Variants in IGSF21 observed in about 807,000 individuals in gnomAD.
IGSF21 encodes the protein immunoglobulin superfamily member 21.
A neutral mutation model predicts 46.8 loss-of-function variants in IGSF21; 28 were observed. That is an observed-to-expected ratio of 0.60 (90% CI 0.44 to 0.82). IGSF21 has a LOEUF of 0.82. Among genes scored for constraint, IGSF21 ranks in the 40% least tolerant of loss-of-function variants. The probability of loss-of-function intolerance (pLI) is 0.00; values close to 1 mark genes in which losing one functional copy is unlikely to be tolerated. For missense variants in IGSF21, 624 were observed against 665.5 expected (o/e 0.94, Z 0.69); for synonymous variants, 284 against 273.6 (o/e 1.04, Z -0.38).
At chr1:18,164,814 C>T (rs1185877635) in intron 1 of IGSF21, among the ~76,000 whole-genome samples, 1 of 151,372 alleles carries the variant, frequency 6.6e-6, no homozygotes, top group South Asian at 2.1e-4. Context: ...ATACATGTAC[C>T]ATGTTGGTTT....
intron 1 of IGSF21, chr1:18,112,150 T>C (rs1192436678): frequency 6.6e-6 from 1 of 152,218 alleles, no homozygotes; most frequent in East Asian, 1.9e-4. Context: ...CTGGGTTTCC[T>C]GGGATCTGTA....
intron 1 of IGSF21, among the ~76,000 whole-genome samples, chr1:18,174,029 C>T (rs528632864): frequency 1.3e-5 from 2 of 152,360 alleles, no homozygotes; most frequent in South Asian, 2.1e-4. Flanking sequence ...GCTGGGATCA[C>T]AGGCATGAGC....
At chr1:18,175,864 TTG>T (rs1244518309) in intron 1 of IGSF21, among the ~76,000 whole-genome samples, 1 of 152,184 alleles carries the variant, frequency 6.6e-6, no homozygotes, top group Non-Finnish European at 1.5e-5. Context: ...ATTAAAATAA[TTG>T]TACTAATATT....
chr1:18,375,625 T>A (rs959707199), intron 6 of IGSF21, among the ~76,000 whole-genome samples: 86 of 152,070 alleles, frequency 5.7e-4, no homozygotes, highest in African/African-American at 2.0e-3. Flanking sequence ...AAGGAGGTGG[T>A]CTTTCTTCCC....
chr1:18,115,889 GAAA>G, intron 1 of IGSF21: 1 of 99,002 alleles, frequency 1.0e-5, no homozygotes, highest in African/African-American at 3.8e-5. Flanking sequence ...AAGAAAGAAA[GAAA>G]GAAAGAAAGA....
At chr1:18,191,855 C>T (rs978545448) in intron 1 of IGSF21, among the ~76,000 whole-genome samples, 1 of 152,200 alleles carries the variant, frequency 6.6e-6, no homozygotes, top group Non-Finnish European at 1.5e-5. Context: ...GTTCCGGCTG[C>T]CTCAGCAGGT....
intron 2 of IGSF21, among the ~76,000 whole-genome samples, chr1:18,269,589 A>G (rs562818686): frequency 6.6e-6 from 1 of 152,294 alleles, no homozygotes; most frequent in East Asian, 1.9e-4. Flanking sequence ...GAGCTCCATA[A>G]GAGTCAGAGC....
intron 1 of IGSF21, among the ~76,000 whole-genome samples, chr1:18,173,104 T>C (rs1325729416): frequency 6.6e-6 from 1 of 152,178 alleles, no homozygotes; most frequent in East Asian, 1.9e-4. Context: ...CTGGCTAACA[T>C]GGTGAAACCC....
rs538032937 is a variant in IGSF21, at chr1:18,283,725, C to A, written c.184-8141C>A. On this transcript the variant is annotated intron_variant, in intron 2 of 9. Coordinates refer to ENST00000251296, the MANE Select transcript of IGSF21 (RefSeq NM_032880.5). ...GAATACCTACTCCCTTTCTTGCCCC[C>A]CTGCCCGAAACTAAAGCCAACTCTA... is the stretch of plus-strand genomic sequence containing the variant. Among the ~76,000 whole-genome samples the A allele has an allele frequency of 1.2e-4, 19 of 152,244 alleles. No individual in the cohort carries two copies. In the East Asian group the frequency reaches 2.5e-3, roughly 20 times the overall value.
In IGSF21 at chr1:18,334,712, C is replaced by T. The variant is rs1039710243; in HGVS notation, c.306-180C>T. Among the ~76,000 whole-genome samples the T allele has an allele frequency of 2.0e-5, 3 of 152,170 alleles. No individual in the cohort carries two copies. On this transcript the variant is annotated intron_variant, in intron 3 of 9. Transcript: ENST00000251296. This position sits in a 1 kb window ranked among gnomAD's most constrained non-coding sequence, Gnocchi z 4.3. ...TCCACACCTTCACTGTCTGAGATGC[C>T]GAGCACAGGGTCTGCATACAGTCGG...
At chr1:18,257,648 G>A (rs971451150) in intron 2 of IGSF21, among the ~76,000 whole-genome samples, 7 of 152,110 alleles carry the variant, frequency 4.6e-5, no homozygotes, top group African/African-American at 7.2e-5. Flanking sequence ...CAAAGGCACC[G>A]AGCTACAGCC....
intron 3 of IGSF21, among the ~76,000 whole-genome samples, chr1:18,327,573 A>T (rs1356191412): frequency 6.6e-6 from 1 of 152,196 alleles, no homozygotes; most frequent in East Asian, 1.9e-4. Flanking sequence ...AAGGGACGCA[A>T]CAATTGGTGA....
intron 2 of IGSF21, 22 bp downstream of exon 2, chr1:18,228,032 C>T (rs1288440816): frequency 1.3e-6 from 2 of 1,568,278 alleles, no homozygotes; most frequent in Non-Finnish European, 8.8e-7. Context: ...CTACTGCCCC[C>T]TTCATGCCCA....
At chr1:18,371,182 A>C (rs1281696423) in intron 6 of IGSF21, among the ~76,000 whole-genome samples, 1 of 152,246 alleles carries the variant, frequency 6.6e-6, no homozygotes, top group Admixed American at 6.5e-5. Context: ...AAAAATGAAT[A>C]AACGTATTTG....
chr1:18,291,729 C>A, intron 2 of IGSF21, 137 bp from the exon 3 acceptor site: 2 of 1,048,788 alleles, frequency 1.9e-6, no homozygotes, highest in Non-Finnish European at 2.8e-6. Context: ...AGGAAGCCCT[C>A]GGTTATTACC....
chr1:18,246,604 T>C (rs2084786584), intron 2 of IGSF21, among the ~76,000 whole-genome samples: 2 of 152,214 alleles, frequency 1.3e-5, no homozygotes, highest in African/African-American at 2.4e-5. Flanking sequence ...GGTGCCTGAC[T>C]GAGAAGGCAG....
At chr1:18,306,159 A>G (rs1569775260) in intron 3 of IGSF21, among the ~76,000 whole-genome samples, 1 of 152,044 alleles carries the variant, frequency 6.6e-6, no homozygotes, top group African/African-American at 2.4e-5. Flanking sequence ...GGCCTAGGAT[A>G]CCCTGTATGC....
chr1:18,317,171 A>G (rs1364984361), intron 3 of IGSF21, among the ~76,000 whole-genome samples: 2 of 152,192 alleles, frequency 1.3e-5, no homozygotes, highest in African/African-American at 4.8e-5. Flanking sequence ...AAGCCTTCTC[A>G]GTAAATGGTG....
chr1:18,291,349 T>C (rs114201674), intron 2 of IGSF21, among the ~76,000 whole-genome samples: 66 of 152,340 alleles, frequency 4.3e-4, no homozygotes, highest in African/African-American at 1.5e-3. Flanking sequence ...GCCGGGATGT[T>C]GGATTCCTGG....
Sources: allele counts gnomAD v4.1 joint callset (sites outside exome capture counted in the v4.1 genomes callset), GRCh38; gene constraint gnomAD v4.1.1; non-coding constraint Gnocchi (gnomAD v3.1); transcripts MANE v1.5; gene names NCBI Gene and HGNC (gene_info 2026-07-23, HGNC 2026-07-21).